Variants in BMP2K observed in about 807,000 individuals in gnomAD.
BMP2K encodes BMP-2-inducible protein kinase.
In BMP2K, 74 loss-of-function variants were observed where a neutral mutation model predicts 116.0. The ratio of observed to expected loss-of-function variants is 0.64; its 90% CI spans 0.53 to 0.77. The LOEUF is 0.77. Ranked by LOEUF, BMP2K falls within the 30% of genes least tolerant of loss-of-function variation. The probability of loss-of-function intolerance (pLI) is 0.00; values close to 1 mark genes in which losing one functional copy is unlikely to be tolerated. For synonymous variants in BMP2K, 486 were observed against 502.5 expected, an observed-to-expected ratio of 0.97 and a Z score of 0.44; for missense variants, 1,365 against 1,403.6, an observed-to-expected ratio of 0.97 and a Z score of 0.44.
intron 1 of BMP2K, among the ~76,000 whole-genome samples, chr4:78,781,424 ATT>A (rs139447702): frequency 5.0e-5 from 7 of 140,242 alleles, no homozygotes; most frequent in Admixed American, 2.2e-4. Context: ...GAAGGAACAG[ATT>A]TTTTTTTTTT....
intron 1 of BMP2K, among the ~76,000 whole-genome samples, chr4:78,789,114 G>A (rs1215809817): frequency 1.3e-5 from 2 of 151,870 alleles, no homozygotes; most frequent in Non-Finnish European, 2.9e-5. Context: ...AACTGTAATT[G>A]GTATTGTTGG....
At chr4:78,849,967 A>C (rs1297534597) in intron 6 of BMP2K, among the ~76,000 whole-genome samples, 1 of 151,750 alleles carries the variant, frequency 6.6e-6, no homozygotes, top group Non-Finnish European at 1.5e-5. Flanking sequence ...AAAATTTAAC[A>C]AAGGAAAGCT....
At chr4:78,896,650 G>T (rs1217686074) in intron 15 of BMP2K, among the ~76,000 whole-genome samples, 1 of 152,168 alleles carries the variant, frequency 6.6e-6, no homozygotes, top group African/African-American at 2.4e-5. Flanking sequence ...AGACTAATAT[G>T]TCTACTTGAT....
chr4:78,913,770 T>C lies in BMP2K; in HGVS notation c.*1737T>C, dbSNP rs1445705056. 6.6e-6 allele frequency: 1 copy of C among 152,100 alleles called. No homozygotes were observed. Among genetic ancestry groups the C allele is most frequent in the East Asian group, 1.9e-4 (1 of 5,204 alleles). The allele number at this position is 152,100 out of a possible 1,614,324, so 9.4% of individuals were successfully genotyped here. A position where few individuals can be genotyped will look rare whatever the true frequency, so the allele number is the denominator to read the frequency against. On this transcript the variant is annotated 3_prime_UTR_variant, in exon 16 of 16. Transcript: ENST00000502613. ...CCCTTCTTTTATATGCTAAATCAAA[T>C]ATAGATTTGTGGATAGGGAAGCAAT...
intron 10 of BMP2K, among the ~76,000 whole-genome samples, chr4:78,867,336 G>C (rs149964447): frequency 6.6e-6 from 1 of 152,142 alleles, no homozygotes; most frequent in South Asian, 2.1e-4. Context: ...TCGCTGTTCA[G>C]ACATGATTTT....
intron 15 of BMP2K, among the ~76,000 whole-genome samples, chr4:78,890,159 C>T (rs535363816): frequency 6.6e-6 from 1 of 151,702 alleles, no homozygotes; most frequent in East Asian, 1.9e-4. Flanking sequence ...TCAGATTTAA[C>T]AAGATTTGAA....
intron 1 of BMP2K, among the ~76,000 whole-genome samples, chr4:78,823,674 C>T (rs1729744936): frequency 6.6e-6 from 1 of 150,586 alleles, no homozygotes; most frequent in Non-Finnish European, 1.5e-5. Context: ...ATAAATGGGG[C>T]CCCATTATAG....
At chr4:78,808,178 C>G (rs1357143601) in intron 1 of BMP2K, among the ~76,000 whole-genome samples, 1 of 152,014 alleles carries the variant, frequency 6.6e-6, no homozygotes, top group East Asian at 1.9e-4. Flanking sequence ...TCTCAGCCTC[C>G]CGCGTAGCTG....
chr4:78,831,440 C>T (rs1365673705), intron 2 of BMP2K, among the ~76,000 whole-genome samples: 1 of 152,170 alleles, frequency 6.6e-6, no homozygotes, highest in Non-Finnish European at 1.5e-5. Flanking sequence ...GCAGTATCTG[C>T]AGAGCATAAT....
intron 8 of BMP2K, 66 bp downstream of exon 8, chr4:78,859,753 T>C (rs1298987222): frequency 1.7e-6 from 2 of 1,146,324 alleles, no homozygotes; most frequent in African/African-American, 3.1e-5. Context: ...TATATTTACT[T>C]TCAGAGTTAC....
chr4:78,878,019 ATCT>A, intron 13 of BMP2K, among the ~76,000 whole-genome samples: 1 of 152,274 alleles, frequency 6.6e-6, no homozygotes, highest in South Asian at 2.1e-4. Flanking sequence ...TTATATTCTC[ATCT>A]TCTCTTAAAA....
chr4:78,860,157 G>A (rs1731704992), intron 8 of BMP2K: 1 of 467,942 alleles, frequency 2.1e-6, no homozygotes, highest in Non-Finnish European at 4.1e-6. Flanking sequence ...CATAGATATA[G>A]ACAGTGGAGT....
chr4:78,880,511 A>G (rs564551650), intron 14 of BMP2K, among the ~76,000 whole-genome samples: 3 of 152,362 alleles, frequency 2.0e-5, no homozygotes, highest in African/African-American at 7.2e-5. Flanking sequence ...CTGCTTAGGT[A>G]AAAAATTATT....
chr4:78,857,272 A>T (rs1731549919), intron 7 of BMP2K, among the ~76,000 whole-genome samples: 1 of 152,080 alleles, frequency 6.6e-6, no homozygotes, highest in Admixed American at 6.6e-5. Flanking sequence ...GTACAGTTAG[A>T]CTAAACTGGC....
intron 1 of BMP2K, 105 bp downstream of exon 1, chr4:78,776,826 C>A: frequency 9.5e-7 from 1 of 1,058,068 alleles, no homozygotes; most frequent in South Asian, 4.7e-5. Flanking sequence ...ATACCCCATT[C>A]TTCCTCTGCT....
At chr4:78,824,578 C>G (rs1175601094) in intron 1 of BMP2K, among the ~76,000 whole-genome samples, 1 of 152,172 alleles carries the variant, frequency 6.6e-6, no homozygotes, top group Non-Finnish European at 1.5e-5. Context: ...GGGATTATTA[C>G]AATTCAAAAT....
intron 7 of BMP2K, among the ~76,000 whole-genome samples, chr4:78,851,589 G>A (rs1335575798): frequency 1.3e-5 from 2 of 152,058 alleles, no homozygotes; most frequent in African/African-American, 2.4e-5. Flanking sequence ...CTGCATTCAA[G>A]TACCCCTTGT....
intron 3 of BMP2K, among the ~76,000 whole-genome samples, chr4:78,838,248 C>T (rs764374626): frequency 3.3e-5 from 5 of 152,166 alleles, no homozygotes; most frequent in African/African-American, 1.2e-4. Flanking sequence ...AAGACTTGCC[C>T]CCATGTTTCA....
At chr4:78,796,526 T>TAA (rs1363066107) in intron 1 of BMP2K, among the ~76,000 whole-genome samples, 1 of 152,084 alleles carries the variant, frequency 6.6e-6, no homozygotes, top group Non-Finnish European at 1.5e-5. Context: ...CCCTAAAACT[T>TAA]AAAGTATAAT....
Sources: gnomAD v4.1 joint callset for allele counts (sites outside exome capture counted in the v4.1 genomes callset) on GRCh38, gnomAD v4.1.1 for gene constraint, MANE v1.5 for transcripts, NCBI Gene and HGNC (gene_info 2026-07-23, HGNC 2026-07-21) for gene names.